ITGA1: variants seen among roughly 807,000 people sequenced by gnomAD.
The protein encoded by ITGA1 is integrin subunit alpha 1.
In ITGA1, 85 loss-of-function variants were observed where a neutral mutation model predicts 145.9. The ratio of observed to expected loss-of-function variants is 0.58; its 90% CI spans 0.49 to 0.70. The LOEUF (loss-of-function observed/expected upper bound fraction) is 0.70, where lower values mean the gene tolerates loss of function less well. Ranked by LOEUF, ITGA1 falls within the 30% of genes least tolerant of loss-of-function variation. ITGA1 has a pLI of 0.00. For synonymous variants in ITGA1, 520 were observed against 495.3 expected (o/e 1.05, Z -0.66); for missense variants, 1,351 against 1,418.7 (o/e 0.95, Z 0.77).
chr5:52,834,560 G>C (rs202171837), intron 1 of ITGA1, among the ~76,000 whole-genome samples: 1 of 130,690 alleles, frequency 7.7e-6, no homozygotes, highest in Admixed American at 7.6e-5. Flanking sequence ...GAAAGAGAGA[G>C]AGAAAGAGAG....
intron 20 of ITGA1, among the ~76,000 whole-genome samples, chr5:52,928,994 T>C (rs1450292390): frequency 1.3e-5 from 2 of 152,174 alleles, no homozygotes; most frequent in African/African-American, 2.4e-5. Context: ...CATTATTTAG[T>C]CTGTTGGGCC....
rs534186489 is a variant in ITGA1, at chr5:52,841,023, C to T, written c.62-8342C>T. ...TTTAGCACTAAAAGTCAAAACAATT[C>T]GCTTGCTATGGCAAGATGAAGTTAA... On this transcript the variant is annotated intron_variant, in intron 1 of 28. Coordinates refer to ENST00000282588, the MANE Select transcript of ITGA1 (RefSeq NM_181501.2). 4.6e-5 allele frequency among the ~76,000 whole-genome samples: 7 copies of T among 152,290 alleles called. No homozygotes were observed. In the South Asian group the frequency reaches 8.3e-4, roughly 18 times the overall value.
chr5:52,921,827 G>T (rs1331271634), intron 17 of ITGA1, among the ~76,000 whole-genome samples: 1 of 152,072 alleles, frequency 6.6e-6, no homozygotes, highest in Non-Finnish European at 1.5e-5. Context: ...GTCTCTTAGA[G>T]GGTCAATCTT....
chr5:52,865,263 A>G (rs1325807323), intron 5 of ITGA1, among the ~76,000 whole-genome samples, 181 bp downstream of exon 5: 1 of 152,226 alleles, frequency 6.6e-6, no homozygotes, highest in Non-Finnish European at 1.5e-5. Context: ...TTTGGAATTG[A>G]TATTAGTGTA....
Position 52,947,335 on chromosome 5 carries a change from T to C in ITGA1, c.3379-10T>C. ...TTATTATGTTAACAATCTTGTTTAA[T>C]AATTTTCAGCTTGCTATTCAAATAT... is the stretch of plus-strand genomic sequence containing the variant. On this transcript the variant is annotated splice_polypyrimidine_tract_variant and intron_variant, in intron 27 of 28. Coordinates refer to ENST00000282588, the MANE Select transcript of ITGA1 (RefSeq NM_181501.2). The C allele has an allele frequency of 1.3e-6, 2 of 1,540,800 alleles. No individual in the cohort carries two copies. The highest frequency in any genetic ancestry group is 9.0e-7 in the Non-Finnish European group (1 of 1,113,554).
At chr5:52,837,325 C>G (rs992149811) in intron 1 of ITGA1, among the ~76,000 whole-genome samples, 1 of 152,136 alleles carries the variant, frequency 6.6e-6, no homozygotes, top group Non-Finnish European at 1.5e-5. Flanking sequence ...GCTGGCCACA[C>G]AGTGTCTCCT....
chr5:52,797,138 G>A (rs1010539862), intron 1 of ITGA1, among the ~76,000 whole-genome samples: 2 of 151,542 alleles, frequency 1.3e-5, no homozygotes, highest in Admixed American at 6.6e-5. Context: ...ACAAAATCTG[G>A]GTGAAAACAT....
At chr5:52,932,573 G>A (rs1750908722) in intron 22 of ITGA1, 1 of 152,862 alleles carries the variant, frequency 6.5e-6, no homozygotes, top group African/African-American at 2.4e-5. Context: ...TCATTGATAA[G>A]AGCTGTTTAT....
At chr5:52,803,956 C>CA (rs1288999209) in intron 1 of ITGA1, 15 of 152,102 alleles carry the variant, frequency 9.9e-5, no homozygotes, top group African/African-American at 2.9e-4. Flanking sequence ...GTTAACTGGC[C>CA]ATACTCAACT....
At chr5:52,821,620 A>G (rs528171755) in intron 1 of ITGA1, among the ~76,000 whole-genome samples, 2 of 152,204 alleles carry the variant, frequency 1.3e-5, no homozygotes, top group Non-Finnish European at 2.9e-5. Context: ...CAGTATTGTA[A>G]GGAATTCCCA....
chr5:52,866,926 A>G (rs2111779806), intron 6 of ITGA1: 1 of 152,338 alleles, frequency 6.6e-6, no homozygotes, highest in East Asian at 1.9e-4. Context: ...CCCTAGAATC[A>G]GAGCCTAAAA....
At chr5:52,893,929 T>C in intron 9 of ITGA1, 89 bp downstream of exon 9, 6 of 955,796 alleles carry the variant, frequency 6.3e-6, no homozygotes, top group Non-Finnish European at 9.3e-6. Context: ...AATACATCAG[T>C]AATACTTTTT....
At chr5:52,807,220 A>G (rs1323515430) in intron 1 of ITGA1, among the ~76,000 whole-genome samples, 1 of 152,154 alleles carries the variant, frequency 6.6e-6, no homozygotes, top group Non-Finnish European at 1.5e-5. Flanking sequence ...TCAAGAGCAA[A>G]ATGTTTTGGC....
rs1645421395 is a variant in ITGA1, at chr5:52,939,982, T to A, written c.3285+38T>A. 3.8e-6 allele frequency: 4 copies of A among 1,058,094 alleles called. No individual in the cohort carries two copies. In the Admixed American group the frequency reaches 5.1e-5, roughly 14 times the overall value. The allele number at this position is 1,058,094 out of a possible 1,614,324, so 65.5% of individuals were successfully genotyped here. On this transcript the variant is annotated intron_variant, in intron 26 of 28. Coordinates refer to ENST00000282588, the MANE Select transcript of ITGA1 (RefSeq NM_181501.2). ...ATAGTTCTATGCACTTATTGAATAA[T>A]ATCAATAAATATTCATTTACCACTT... is the stretch of plus-strand genomic sequence containing the variant.
At chr5:52,870,608 G>C (rs1749763086) in intron 6 of ITGA1, among the ~76,000 whole-genome samples, 1 of 152,210 alleles carries the variant, frequency 6.6e-6, no homozygotes, top group South Asian at 2.1e-4. Flanking sequence ...GACAGCAGCT[G>C]TTATGTCTAG....
intron 1 of ITGA1, among the ~76,000 whole-genome samples, chr5:52,793,498 C>T (rs1335074654): frequency 6.6e-6 from 1 of 152,026 alleles, no homozygotes; most frequent in African/African-American, 2.4e-5. Context: ...ATTATAATTG[C>T]TAGATTGTTA....
intron 26 of ITGA1, among the ~76,000 whole-genome samples, chr5:52,943,013 G>C (rs1219777791): frequency 6.6e-6 from 1 of 152,136 alleles, no homozygotes; most frequent in African/African-American, 2.4e-5. Context: ...CATATTACCA[G>C]TGGAAAAAAG....
Position 52,939,837 on chromosome 5 carries a change from C to A in ITGA1, c.3181-3C>A. 6.3e-7 allele frequency: 1 copy of A among 1,582,536 alleles called. No homozygotes were observed. The highest frequency in any genetic ancestry group is 8.7e-7 in the Non-Finnish European group (1 of 1,151,426). ...TGATATGTATCTCTGGACATTTAAA[C>A]AGGACTGCAATACATGTAAATTTGC... On this transcript the variant is annotated splice_polypyrimidine_tract_variant and splice_region_variant and intron_variant, in intron 25 of 28. Coordinates refer to ENST00000282588, the MANE Select transcript of ITGA1 (RefSeq NM_181501.2).
chr5:52,909,763 T>C (rs1750469371), intron 13 of ITGA1, among the ~76,000 whole-genome samples: 1 of 150,998 alleles, frequency 6.6e-6, no homozygotes, highest in Non-Finnish European at 1.5e-5. Flanking sequence ...GTACTTTCTG[T>C]CTGGGTTTTT....
Sources: gnomAD v4.1 joint callset for allele counts (sites outside exome capture counted in the v4.1 genomes callset) on GRCh38, gnomAD v4.1.1 for gene constraint, MANE v1.5 for transcripts, NCBI Gene and HGNC (gene_info 2026-07-23, HGNC 2026-07-21) for gene names.